Variants in MACROD2 observed in about 807,000 individuals in gnomAD.
MACROD2 encodes ADP-ribose glycohydrolase MACROD2.
Under a neutral mutation model 70.4 loss-of-function variants are expected in MACROD2, and 36 were observed. The observed-to-expected ratio is 0.51, with a 90% CI of 0.39 to 0.68. MACROD2 has a LOEUF of 0.68. Ranked by LOEUF, MACROD2 falls within the 30% of genes least tolerant of loss-of-function variation. MACROD2 has a pLI of 0.00. For synonymous variants in MACROD2, 172 were observed against 178.8 expected (o/e 0.96, Z 0.30); for missense variants, 496 against 538.4 (o/e 0.92, Z 0.78).
chr20:15,747,190 C>T (rs2051196422), intron 8 of MACROD2, among the ~76,000 whole-genome samples: 2 of 152,116 alleles, frequency 1.3e-5, no homozygotes, highest in African/African-American at 4.8e-5. Context: ...AAAATGTCTT[C>T]TGAAGACCCC....
chr20:14,273,655 T>C (rs1353602747), intron 3 of MACROD2, among the ~76,000 whole-genome samples: 3 of 149,758 alleles, frequency 2.0e-5, no homozygotes, highest in African/African-American at 7.4e-5. Context: ...AGAGCAGAAC[T>C]GAAGGAAATA....
At chr20:15,083,309 C>G (rs980759689) in intron 5 of MACROD2, among the ~76,000 whole-genome samples, 3 of 152,158 alleles carry the variant, frequency 2.0e-5, no homozygotes, top group Admixed American at 6.5e-5. Context: ...GATGTAGGCC[C>G]AGCTTAACCA....
At chr20:15,408,051 T>C (rs2046028291) in intron 6 of MACROD2, among the ~76,000 whole-genome samples, 1 of 152,168 alleles carries the variant, frequency 6.6e-6, no homozygotes, top group African/African-American at 2.4e-5. Flanking sequence ...GAACTCGGTG[T>C]GGTCATTTCA....
chr20:15,930,705 C>A (rs936860673), intron 10 of MACROD2, among the ~76,000 whole-genome samples: 1 of 152,134 alleles, frequency 6.6e-6, no homozygotes, highest in East Asian at 1.9e-4. Context: ...AAAACAAAAG[C>A]ATGCCACTCA....
chr20:15,686,253 A>G (rs531891876), intron 8 of MACROD2, among the ~76,000 whole-genome samples: 1 of 152,340 alleles, frequency 6.6e-6, no homozygotes, highest in Non-Finnish European at 1.5e-5. Flanking sequence ...TAAATTGAAA[A>G]TATTTTCCAG....
At chr20:14,169,044 T>A (rs2081195618) in intron 3 of MACROD2, among the ~76,000 whole-genome samples, 1 of 152,086 alleles carries the variant, frequency 6.6e-6, no homozygotes, top group African/African-American at 2.4e-5. Context: ...GCAGGGATGG[T>A]TTAACATACA....
intron 8 of MACROD2, among the ~76,000 whole-genome samples, chr20:15,630,619 C>A (rs1426834192): frequency 6.6e-6 from 1 of 152,206 alleles, no homozygotes; most frequent in East Asian, 1.9e-4. Flanking sequence ...GGTTGCATAA[C>A]TCTCCTAATG....
At chr20:15,559,176 G>A (rs1340081199) in intron 8 of MACROD2, among the ~76,000 whole-genome samples, 1 of 136,872 alleles carries the variant, frequency 7.3e-6, no homozygotes, top group Non-Finnish European at 1.5e-5. Flanking sequence ...GCAGTGAGTC[G>A]AGATCGCGCC....
chr20:15,811,197 GGGCTA>G (rs2063817754), intron 8 of MACROD2, among the ~76,000 whole-genome samples: 1 of 151,774 alleles, frequency 6.6e-6, no homozygotes, highest in East Asian at 1.9e-4. Flanking sequence ...ATCTGACAAA[GGGCTA>G]ATATCCAGAA....
chr20:14,084,085 A>AC lies in MACROD2; in HGVS notation c.164-1536_164-1535insC, dbSNP rs1433971931. Among the ~76,000 whole-genome samples the AC allele has an allele frequency of 1.2e-3, 183 of 148,346 alleles. 14 individuals are homozygous for AC. Among genetic ancestry groups the AC allele is most frequent in the Non-Finnish European group, 2.2e-3 (147 of 66,820 alleles). ...TCAAAAAAAAACAAAAAACAAACAAAAAAAAACCTTCCGGGAGAGAAGCGG... is the reference window on the plus strand; with the variant it reads ...TCAAAAAAAAACAAAAAACAAACAAACAAAAAACCTTCCGGGAGAGAAGCGG... On this transcript the variant is annotated intron_variant, in intron 2 of 17. Coordinates refer to ENST00000684519, the MANE Select transcript of MACROD2 (RefSeq NM_001351661.2).
intron 6 of MACROD2, among the ~76,000 whole-genome samples, chr20:15,378,768 A>T (rs1296581060): frequency 6.6e-6 from 1 of 152,222 alleles, no homozygotes; most frequent in African/African-American, 2.4e-5. Flanking sequence ...ACTCAAACAG[A>T]ATAGTAAAAA....
intron 8 of MACROD2, among the ~76,000 whole-genome samples, chr20:15,841,585 T>A (rs1370026906): frequency 6.6e-6 from 1 of 152,062 alleles, no homozygotes; most frequent in Non-Finnish European, 1.5e-5. Flanking sequence ...GAACTCACAT[T>A]GTGAGAACAG....
chr20:14,474,088 G>T (rs2084561690), intron 3 of MACROD2, among the ~76,000 whole-genome samples: 1 of 151,960 alleles, frequency 6.6e-6, no homozygotes, highest in Admixed American at 6.6e-5. Flanking sequence ...TAGATGCATA[G>T]CTGGCAAATA....
At chr20:15,530,716 CA>C (rs57826871) in intron 8 of MACROD2, among the ~76,000 whole-genome samples, 13,906 of 90,526 alleles carry the variant, frequency 0.15, 544 homozygotes, top group Middle Eastern at 0.23. Context: ...CTCCATCTCA[CA>C]AAAAAAAAAA....
At chr20:14,006,581 T>C (rs573583001) in intron 2 of MACROD2, among the ~76,000 whole-genome samples, 2 of 152,334 alleles carry the variant, frequency 1.3e-5, no homozygotes, top group East Asian at 3.9e-4. Context: ...AGTATTCATG[T>C]TTTTCCCATT....
At chr20:16,003,640 T>C (rs908231474) in intron 15 of MACROD2, among the ~76,000 whole-genome samples, 2 of 152,124 alleles carry the variant, frequency 1.3e-5, no homozygotes, top group African/African-American at 2.4e-5. Flanking sequence ...AAGTTTCTGG[T>C]TTAGTAGATC....
chr20:14,771,674 T>C (rs200869278), intron 5 of MACROD2, among the ~76,000 whole-genome samples: 19,816 of 133,384 alleles, frequency 0.15, 2,301 homozygotes, highest in African/African-American at 0.34. Flanking sequence ...CACACACATA[T>C]ATATATATAT....
intron 6 of MACROD2, among the ~76,000 whole-genome samples, chr20:15,388,196 A>T (rs539664515): frequency 6.6e-5 from 10 of 152,046 alleles, no homozygotes; most frequent in Admixed American, 1.3e-4. Context: ...GAAAAGGGAG[A>T]GTGGAGGTTC....
chr20:15,484,782 T>A (rs112083174), intron 7 of MACROD2, among the ~76,000 whole-genome samples: 2,426 of 152,224 alleles, frequency 0.016, 32 homozygotes, highest in Non-Finnish European at 0.025. Context: ...CCTTGGAGTT[T>A]CCATCATTCA....
Sources: gnomAD v4.1 joint callset for allele counts (sites outside exome capture counted in the v4.1 genomes callset) on GRCh38, gnomAD v4.1.1 for gene constraint, MANE v1.5 for transcripts, NCBI Gene and HGNC (gene_info 2026-07-23, HGNC 2026-07-21) for gene names.